ETV6: variants seen among roughly 807,000 people sequenced by gnomAD.
ETV6 encodes the protein transcription factor ETV6.
Under a neutral mutation model 51.1 loss-of-function variants are expected in ETV6, and 16 were observed. That is an observed-to-expected ratio of 0.31 (90% CI 0.21 to 0.48). The LOEUF (loss-of-function observed/expected upper bound fraction) is 0.48, where lower values mean the gene tolerates loss of function less well. Among genes scored for constraint, ETV6 ranks in the 20% least tolerant of loss-of-function variants. ETV6 has a pLI of 0.99. For synonymous variants in ETV6, 240 were observed against 224.1 expected (o/e 1.07, Z -0.64); for missense variants, 458 against 594.8 (o/e 0.77, Z 2.39).
At chr12:11,688,858 G>C (rs534204346) in intron 1 of ETV6, among the ~76,000 whole-genome samples, 1 of 152,316 alleles carries the variant, frequency 6.6e-6, no homozygotes, top group African/African-American at 2.4e-5. Flanking sequence ...GGTTAGAGGA[G>C]TTACCACAGT....
chr12:11,871,929 T>C (rs1243649112), intron 5 of ETV6, among the ~76,000 whole-genome samples: 5 of 152,210 alleles, frequency 3.3e-5, no homozygotes, highest in Non-Finnish European at 5.9e-5. Flanking sequence ...ACATGTGAAT[T>C]TCCCCAAATA....
intron 2 of ETV6, among the ~76,000 whole-genome samples, chr12:11,783,286 GA>G (rs1340776300): frequency 6.6e-6 from 1 of 152,116 alleles, no homozygotes; most frequent in Non-Finnish European, 1.5e-5. Flanking sequence ...AGGAAGGAAA[GA>G]ATGATCCTGC....
intron 2 of ETV6, among the ~76,000 whole-genome samples, chr12:11,775,749 G>A (rs112461156): frequency 3.9e-5 from 6 of 152,300 alleles, no homozygotes; most frequent in African/African-American, 7.2e-5. Flanking sequence ...GCCAGGGAAC[G>A]TGATAAACCA....
At chr12:11,667,400 C>T (rs1015304681) in intron 1 of ETV6, among the ~76,000 whole-genome samples, 2 of 152,088 alleles carry the variant, frequency 1.3e-5, no homozygotes, top group African/African-American at 4.8e-5. Flanking sequence ...TCAGAGGACT[C>T]GATGCTCATG....
chr12:11,844,692 T>C (rs1946434894), intron 3 of ETV6, among the ~76,000 whole-genome samples: 1 of 151,162 alleles, frequency 6.6e-6, no homozygotes, highest in Non-Finnish European at 1.5e-5. Flanking sequence ...GTGGGAGTTG[T>C]AGCAGGCATG....
At chr12:11,770,774 C>G (rs185673854) in intron 2 of ETV6, among the ~76,000 whole-genome samples, 1 of 152,138 alleles carries the variant, frequency 6.6e-6, no homozygotes, top group Non-Finnish European at 1.5e-5. Flanking sequence ...ACAGCACGTG[C>G]CTGTGGTCCC....
chr12:11,869,501 C>T lies in ETV6; in HGVS notation c.541C>T (p.Arg181Cys), dbSNP rs149660037. Reference protein sequence around the residue: ...HNPPTIELLHRSRSPITTNHR... With the variant: ...HNPPTIELLHCSRSPITTNHR... Reference sequence around the variant, plus strand: ...CCCTCCCACCATTGAACTGTTGCACCGCTCCAGGTCACCTATCACGACAAA... The same window carrying T: ...CCCTCCCACCATTGAACTGTTGCACTGCTCCAGGTCACCTATCACGACAAA... Residue 181 changes from arginine to cysteine, a missense_variant, in exon 5 of 8, where the codon CGC (arginine) becomes TGC (cysteine). Physicochemically the swap from Arg to Cys is radical, Grantham distance 180 (BLOSUM62 -3). This residue lies in a region of ETV6 where 293 missense variants were observed against 315.7 expected (regional missense o/e 0.93). Coordinates refer to ENST00000396373, the MANE Select transcript of ETV6 (RefSeq NM_001987.5). This position sits in a 1 kb window ranked among gnomAD's most constrained non-coding sequence, Gnocchi z 5.0. 4.4e-5 allele frequency: 71 copies of T among 1,614,114 alleles called. No individual in the cohort carries two copies. The highest frequency in any genetic ancestry group is 8.3e-5 in the Admixed American group (5 of 60,020).
intron 2 of ETV6, among the ~76,000 whole-genome samples, chr12:11,828,403 A>T (rs1946191932): frequency 6.6e-6 from 1 of 152,086 alleles, no homozygotes; most frequent in Non-Finnish European, 1.5e-5. Flanking sequence ...ATTTCATTGT[A>T]CCCCCACTTC....
At chr12:11,811,570 A>G (rs1945914740) in intron 2 of ETV6, among the ~76,000 whole-genome samples, 1 of 152,146 alleles carries the variant, frequency 6.6e-6, no homozygotes, top group South Asian at 2.1e-4. Flanking sequence ...AGCATTTAGC[A>G]TTTTTAAATC....
chr12:11,661,105 T>A (rs1864094291), intron 1 of ETV6, among the ~76,000 whole-genome samples: 1 of 152,206 alleles, frequency 6.6e-6, no homozygotes, highest in Non-Finnish European at 1.5e-5. Context: ...TCCTCCTGCC[T>A]CAGCCTCTGG....
In ETV6 at chr12:11,828,658, C is replaced by A. The variant is rs558400453; in HGVS notation, c.164-10482C>A. Among the ~76,000 whole-genome samples the A allele has an allele frequency of 2.0e-5, 3 of 152,266 alleles. No individual in the cohort carries two copies. The South Asian group carries it at 6.2e-4, about 32-fold the overall frequency. On this transcript the variant is annotated intron_variant, in intron 2 of 7. Coordinates refer to ENST00000396373, the MANE Select transcript of ETV6 (RefSeq NM_001987.5). The stretch of plus-strand genomic sequence containing the variant: ...CAAGCAAATATTTGTGTCCATGTGC[C>A]TGTGCATTTTGAAGGGGGGTTTGTT...
intron 5 of ETV6, among the ~76,000 whole-genome samples, chr12:11,871,323 C>T (rs930464804): frequency 3.3e-5 from 5 of 151,590 alleles, no homozygotes; most frequent in Admixed American, 2.6e-4. Flanking sequence ...TGAGTAGCTG[C>T]GACTACAGGC....
chr12:11,837,010 CAGTA>C (rs1314272212), intron 2 of ETV6, among the ~76,000 whole-genome samples: 1 of 152,180 alleles, frequency 6.6e-6, no homozygotes, highest in East Asian at 1.9e-4. Context: ...ACACCATTGA[CAGTA>C]AGGAGTTAGG....
intron 1 of ETV6, among the ~76,000 whole-genome samples, chr12:11,668,579 A>G (rs1279529758): frequency 6.6e-6 from 1 of 152,204 alleles, no homozygotes; most frequent in African/African-American, 2.4e-5. Flanking sequence ...ACAGACGCCA[A>G]GGGTCTTTTC....
At chr12:11,670,716 C>T (rs12297291) in intron 1 of ETV6, among the ~76,000 whole-genome samples, 4,296 of 152,214 alleles carry the variant, frequency 0.028, 224 homozygotes, top group African/African-American at 0.098. Flanking sequence ...GTTTTAAGAC[C>T]AGGTCAGACA....
intron 1 of ETV6, among the ~76,000 whole-genome samples, chr12:11,663,663 T>G (rs990266676): frequency 5.3e-5 from 8 of 152,192 alleles, no homozygotes; most frequent in East Asian, 1.9e-4. Flanking sequence ...AGCAAGCTGT[T>G]TCTAAGAGCA....
chr12:11,845,242 T>C (rs1473665652), intron 3 of ETV6, among the ~76,000 whole-genome samples: 3 of 152,264 alleles, frequency 2.0e-5, no homozygotes, highest in Non-Finnish European at 4.4e-5. Flanking sequence ...GGTTCTACTT[T>C]AAACTTACTA....
intron 1 of ETV6, among the ~76,000 whole-genome samples, chr12:11,693,729 A>G (rs767950775): frequency 2.6e-5 from 4 of 152,180 alleles, no homozygotes; most frequent in South Asian, 4.1e-4. Context: ...TCCCTGCACT[A>G]TCTCTGTCCC....
intron 1 of ETV6, among the ~76,000 whole-genome samples, chr12:11,691,781 G>C (rs117457054): frequency 6.6e-6 from 1 of 152,200 alleles, no homozygotes; most frequent in Non-Finnish European, 1.5e-5. Flanking sequence ...TAGGATCTTG[G>C]CAATTGCAAA....
Sources: allele counts gnomAD v4.1 joint callset (sites outside exome capture counted in the v4.1 genomes callset), GRCh38; gene constraint gnomAD v4.1.1; regional missense constraint gnomAD v4.1.1; non-coding constraint Gnocchi (gnomAD v3.1); transcripts MANE v1.5; gene names NCBI Gene and HGNC (gene_info 2026-07-23, HGNC 2026-07-21).